The following ZBED4 variants were observed in gnomAD, a reference collection of about 807,000 sequenced individuals.
The protein encoded by ZBED4 is zinc finger BED domain-containing protein 4.
Under a neutral mutation model 15.5 loss-of-function variants are expected in ZBED4, and 4 were observed. The ratio of observed to expected loss-of-function variants is 0.26; its 90% CI spans 0.13 to 0.59. The LOEUF (loss-of-function observed/expected upper bound fraction) is 0.59. ZBED4 is among the 20% of genes least tolerant of loss of function. ZBED4 has a pLI of 0.90. For synonymous variants in ZBED4, 692 were observed against 608.5 expected, an observed-to-expected ratio of 1.14 and a Z score of -2.02; for missense variants, 1,323 against 1,461.8, an observed-to-expected ratio of 0.91 and a Z score of 1.55.
At chr22:49,873,015 G>C (rs1347261193) in intron 1 of ZBED4, among the ~76,000 whole-genome samples, 1 of 152,154 alleles carries the variant, frequency 6.6e-6, no homozygotes, top group African/African-American at 2.4e-5. Flanking sequence ...ATTTTTTGTA[G>C]AGCTGGGGTT....
intron 1 of ZBED4, among the ~76,000 whole-genome samples, chr22:49,878,676 A>G (rs1321349705): frequency 6.6e-6 from 1 of 152,240 alleles, no homozygotes; most frequent in Non-Finnish European, 1.5e-5. Flanking sequence ...CAAAAGCACA[A>G]TCCATAAAGA....
rs1404363988 is a variant in ZBED4, at chr22:49,888,067, A to G, written c.*889A>G. 6.0e-6 allele frequency: 1 copy of G among 167,258 alleles called. No individual in the cohort carries two copies. Among genetic ancestry groups the G allele is most frequent in the Non-Finnish European group, 1.5e-5 (1 of 68,128 alleles). 10.4% of individuals were successfully genotyped at this position (167,258 alleles called of 1,614,324 possible). A position where few individuals can be genotyped will look rare whatever the true frequency, so the allele number is the denominator to read the frequency against. ...AATTTGTGTAAAATTTTTTTAGAAG[A>G]GATGGCTTATTAACAGGGAAGAAGC... On this transcript the variant is annotated 3_prime_UTR_variant, in exon 2 of 2. Coordinates refer to ENST00000216268, the MANE Select transcript of ZBED4 (RefSeq NM_014838.3).
Position 49,886,117 on chromosome 22 carries a change from G to A in ZBED4, c.2455G>A (p.Glu819Lys), listed in dbSNP as rs756409962. ...DNASIGKTLN[E>K]GEHSSVQCFS... ...CGCCAGCATCGGGAAGACGCTGAAC[G>A]AGGGGGAGCACTCGAGCGTGCAGTG... The change falls in exon 2 of 2, where the codon GAG becomes AAG. Residue 819 changes from glutamate (E) to lysine (K), a missense_variant. Coordinates refer to ENST00000216268, the MANE Select transcript of ZBED4 (RefSeq NM_014838.3). This position sits in a 1 kb window ranked among gnomAD's most constrained non-coding sequence, Gnocchi z 7.7. 1.0e-5 allele frequency: 7 copies of A among 682,516 alleles called. No homozygotes were observed. Among genetic ancestry groups the A allele is most frequent in the East Asian group, 2.5e-5 (1 of 40,282 alleles). The allele number at this position is 682,516 out of a possible 1,614,324, so 42.3% of individuals were successfully genotyped here.
At chr22:49,871,604 G>A (rs1020053704) in intron 1 of ZBED4, among the ~76,000 whole-genome samples, 2 of 152,184 alleles carry the variant, frequency 1.3e-5, no homozygotes, top group African/African-American at 4.8e-5. Context: ...AATGCCAACA[G>A]TCATCTGAGC....
rs150020247 is a variant in ZBED4, at chr22:49,885,902, C to G, written c.2240C>G (p.Thr747Arg). Residue 747 changes from threonine (T) to arginine (R), a missense_variant, in exon 2 of 2, where the codon ACG becomes AGG. Physicochemically the swap from Thr to Arg is moderately conservative, Grantham distance 71. Transcript: ENST00000216268. ...SNQTREYLTLTAHWVSFESPA... is the reference protein window; with the variant it reads ...SNQTREYLTLRAHWVSFESPA... ...CAGACCCGTGAGTACCTGACCCTCA[C>G]GGCCCACTGGGTTTCCTTCGAGTCG... is the stretch of plus-strand genomic sequence containing the variant. The G allele has an allele frequency of 9.5e-7, 1 of 1,048,082 alleles. No homozygotes were observed. The highest frequency in any genetic ancestry group is 1.5e-6 in the Non-Finnish European group (1 of 679,172). 64.9% of individuals were successfully genotyped at this position (1,048,082 alleles called of 1,614,324 possible). A position where few individuals can be genotyped will look rare whatever the true frequency, so the allele number is the denominator to read the frequency against.
At chr22:49,853,808 G>A (rs1368554930), upstream of ZBED4, 1 of 145,568 alleles carries the variant, frequency 6.9e-6, no homozygotes, top group Non-Finnish European at 1.5e-5. Context: ...CCCCCGGCCA[G>A]CCCCGCCCCG....
chr22:49,876,951 CA>C (rs2060379477), intron 1 of ZBED4, among the ~76,000 whole-genome samples: 1 of 152,138 alleles, frequency 6.6e-6, no homozygotes, highest in Non-Finnish European at 1.5e-5. Flanking sequence ...CCGATTTTTC[CA>C]AAATAGATGA....
intron 1 of ZBED4, among the ~76,000 whole-genome samples, chr22:49,856,558 T>C (rs2060275188): frequency 6.6e-6 from 1 of 152,234 alleles, no homozygotes; most frequent in South Asian, 2.1e-4. Flanking sequence ...CGCCTGCTGC[T>C]GAAGCCGCCT....
Position 49,886,218 on chromosome 22 carries a change from C to T in ZBED4, c.2556C>T (p.Leu852=), listed in dbSNP as rs777451779. The part of the protein sequence containing the change: ...SQRMVQNLLS[L]ARKICERVHR... ...GGATGGTGCAGAACCTGCTGAGCCT[C>T]GCCCGGAAGATCTGCGAGCGGGTGC... The change falls in exon 2 of 2, where the codon CTC becomes CTT. Residue 852 remains leucine (L), a synonymous_variant. Coordinates refer to ENST00000216268, the MANE Select transcript of ZBED4 (RefSeq NM_014838.3). The surrounding 1 kb of genome is among the most constrained non-coding windows in gnomAD (Gnocchi z 7.7). 3.5e-6 allele frequency: 3 copies of T among 847,464 alleles called. No individual in the cohort carries two copies. Among genetic ancestry groups the T allele is most frequent in the Non-Finnish European group, 5.8e-6 (3 of 513,322 alleles). The allele number at this position is 847,464 out of a possible 1,614,324, so 52.5% of individuals were successfully genotyped here. A position where few individuals can be genotyped will look rare whatever the true frequency, so the allele number is the denominator to read the frequency against.
chr22:49,853,805 C>T (rs1256417278), upstream of ZBED4: 3 of 146,158 alleles, frequency 2.1e-5, no homozygotes, highest in Non-Finnish European at 4.6e-5. Flanking sequence ...CCGCCCCCGG[C>T]CAGCCCCGCC....
At chr22:49,882,325 G>A (rs911859943) in intron 1 of ZBED4, among the ~76,000 whole-genome samples, 11 of 152,224 alleles carry the variant, frequency 7.2e-5, no homozygotes, top group African/African-American at 2.4e-4. Flanking sequence ...GCTGAGTCGG[G>A]AGGAGGGCTC....
chr22:49,858,815 C>T (rs559614205), intron 1 of ZBED4, among the ~76,000 whole-genome samples: 7 of 152,304 alleles, frequency 4.6e-5, no homozygotes, highest in African/African-American at 1.4e-4. Context: ...CAACCAGAAT[C>T]GAGTACAGGG....
chr22:49,853,404 G>A, upstream of ZBED4: 1 of 152,268 alleles, frequency 6.6e-6, no homozygotes, highest in East Asian at 1.9e-4. Flanking sequence ...ACCGCACTGA[G>A]CGGCCTCTGC....
chr22:49,872,145 C>T (rs546526196), intron 1 of ZBED4, among the ~76,000 whole-genome samples: 1 of 152,316 alleles, frequency 6.6e-6, no homozygotes, highest in East Asian at 1.9e-4. Context: ...GAACTTCTTT[C>T]AAAATTGTAG....
chr22:49,884,320 G>T lies in ZBED4; in HGVS notation c.658G>T (p.Asp220Tyr). Reference protein sequence around the residue: ...QKVASKIPSPDRITEESVSVV... With the variant: ...QKVASKIPSPYRITEESVSVV... The stretch of plus-strand genomic sequence containing the variant: ...AGTGGCGTCTAAGATCCCGTCCCCC[G>T]ATCGAATAACAGAGGAGTCTGTGTC... The change falls in exon 2 of 2, where the codon GAT (aspartate) becomes TAT (tyrosine). Residue 220 changes from aspartate (D) to tyrosine (Y), a missense_variant. Transcript: ENST00000216268. The T allele has an allele frequency of 4.3e-6, 7 of 1,613,756 alleles. No homozygotes were observed. Among genetic ancestry groups the T allele is most frequent in the Non-Finnish European group, 5.9e-6 (7 of 1,179,802 alleles).
chr22:49,863,104 G>A (rs1175081947), intron 1 of ZBED4, among the ~76,000 whole-genome samples: 1 of 152,196 alleles, frequency 6.6e-6, no homozygotes, highest in African/African-American at 2.4e-5. Context: ...TCACGGTCTA[G>A]ATTTTGCTGG....
At chr22:49,879,673 GTGTC>G (rs2060397972) in intron 1 of ZBED4, among the ~76,000 whole-genome samples, 2 of 84,050 alleles carry the variant, frequency 2.4e-5, no homozygotes, top group African/African-American at 7.0e-5. Flanking sequence ...CTCCTGGTCA[GTGTC>G]TGGGCGTGTT....
At chr22:49,865,195 G>A (rs2060316377) in intron 1 of ZBED4, among the ~76,000 whole-genome samples, 1 of 152,096 alleles carries the variant, frequency 6.6e-6, no homozygotes, top group Admixed American at 6.6e-5. Flanking sequence ...TTACTACACT[G>A]AAGCCTGTAG....
Position 49,872,239 on chromosome 22 carries a change from C to G in ZBED4, c.-329-11095C>G, listed in dbSNP as rs568845589. On this transcript the variant is annotated intron_variant, in intron 1 of 1. Coordinates refer to ENST00000216268, the MANE Select transcript of ZBED4 (RefSeq NM_014838.3). The stretch of plus-strand genomic sequence containing the variant: ...TCTTTATTGTCATTTTAACAGTGTT[C>G]ATAGCATCTCCACCAGGAGTAGATT... Among the ~76,000 whole-genome samples the G allele has an allele frequency of 2.6e-5, 4 of 152,282 alleles. No homozygotes were observed. In the East Asian group the frequency reaches 7.7e-4, roughly 29 times the overall value.
Sources: gnomAD v4.1 joint callset for allele counts (sites outside exome capture counted in the v4.1 genomes callset) on GRCh38, gnomAD v4.1.1 for gene constraint, Gnocchi (gnomAD v3.1) non-coding constraint, MANE v1.5 for transcripts, NCBI Gene and HGNC (gene_info 2026-07-23, HGNC 2026-07-21) for gene names.